PCBP3: variants seen among roughly 807,000 people sequenced by gnomAD.
PCBP3 encodes poly(rC) binding protein 3.
In PCBP3, 25 loss-of-function variants were observed where a neutral mutation model predicts 52.7. The ratio of observed to expected loss-of-function variants is 0.47; its 90% CI spans 0.35 to 0.66. PCBP3 has a LOEUF of 0.66. Ranked by LOEUF, PCBP3 falls within the 30% of genes least tolerant of loss-of-function variation. The pLI is 0.01. For missense variants in PCBP3, 391 were observed against 490.3 expected (o/e 0.80, Z 1.91); for synonymous variants, 162 against 183.0 (o/e 0.89, Z 0.93).
At chr21:45,814,624 A>ATGAGTGG (rs1246699301) in intron 4 of PCBP3, among the ~76,000 whole-genome samples, 2 of 103,280 alleles carry the variant, frequency 1.9e-5, no homozygotes, top group African/African-American at 3.8e-5. Flanking sequence ...GTGGTGAGTG[A>ATGAGTGG]TGAGTGGTGA....
In PCBP3 at chr21:45,889,925, G is replaced by A. The variant is rs192651743; in HGVS notation, c.11-6283G>A. On this transcript the variant is annotated intron_variant, in intron 5 of 17. Transcript: ENST00000681687. ...AGCTTTTAGAAGTCAGCGTAGCTCC[G>A]AGACGGAGGCCTGTTTCTGCTCTGT... Among the ~76,000 whole-genome samples, 518 of 152,378 alleles carry A rather than the reference G, an allele frequency of 3.4e-3. 2 individuals carry two copies. Among genetic ancestry groups the A allele is most frequent in the African/African-American group, 0.012 (479 of 41,588 alleles).
At chr21:45,658,029 A>C (rs771669693) in intron 1 of PCBP3, among the ~76,000 whole-genome samples, 7 of 152,214 alleles carry the variant, frequency 4.6e-5, no homozygotes, top group Non-Finnish European at 1.0e-4. Context: ...CAGTAAGTAT[A>C]GGTAGCTGTG....
chr21:45,803,838 C>A (rs1441647834), intron 4 of PCBP3, among the ~76,000 whole-genome samples: 1 of 152,200 alleles, frequency 6.6e-6, no homozygotes, highest in Middle Eastern at 3.2e-3. Flanking sequence ...CGGGAGGTGA[C>A]CCTGTGCCAG....
chr21:45,765,172 A>G (rs2089184363), intron 4 of PCBP3, among the ~76,000 whole-genome samples: 5 of 152,202 alleles, frequency 3.3e-5, no homozygotes, highest in Admixed American at 3.3e-4. Context: ...GGGGATAGAC[A>G]GAGAGGCATG....
chr21:45,732,509 T>C (rs902947810), intron 2 of PCBP3, among the ~76,000 whole-genome samples: 2 of 151,722 alleles, frequency 1.3e-5, no homozygotes, highest in Non-Finnish European at 2.9e-5. Context: ...TTACGATTTT[T>C]TTTTTTTTTA....
intron 4 of PCBP3, among the ~76,000 whole-genome samples, chr21:45,787,117 G>A (rs531046708): frequency 4.6e-5 from 7 of 152,294 alleles, no homozygotes; most frequent in East Asian, 1.9e-4. Flanking sequence ...AAGCCTGAAC[G>A]TTCTTGGAAA....
rs182325868 is a variant in PCBP3 at position 45,853,028 on chromosome 21, G to A, written c.10+2933G>A. ...CATGGCGTGTACACTTCCCACAGCT[G>A]AGACCAGCAGGAGCGGGCAGTGGAC... On this transcript the variant is annotated intron_variant, in intron 5 of 17. Coordinates refer to ENST00000681687, the MANE Select transcript of PCBP3 (RefSeq NM_001384156.1). The surrounding 1 kb of genome is among the most constrained non-coding windows in gnomAD (Gnocchi z 4.6). Among the ~76,000 whole-genome samples, 88 of 152,344 alleles carry A rather than the reference G, an allele frequency of 5.8e-4. No individual in the cohort carries two copies. The highest frequency in any genetic ancestry group is 2.1e-3 in the Admixed American group (32 of 15,308).
intron 4 of PCBP3, among the ~76,000 whole-genome samples, chr21:45,794,651 C>T (rs530273045): frequency 6.6e-5 from 10 of 152,268 alleles, no homozygotes; most frequent in East Asian, 5.8e-4. Context: ...ACCCAGAGGC[C>T]GGGTGCAATG....
chr21:45,927,526 C>T (rs1276570221), intron 13 of PCBP3, among the ~76,000 whole-genome samples: 6 of 150,598 alleles, frequency 4.0e-5, no homozygotes, highest in Non-Finnish European at 5.9e-5. Flanking sequence ...TGAGTCCAAA[C>T]GAGGTGCAGT....
At chr21:45,813,033 G>C (rs1209261451) in intron 4 of PCBP3, among the ~76,000 whole-genome samples, 1 of 152,100 alleles carries the variant, frequency 6.6e-6, no homozygotes, top group Non-Finnish European at 1.5e-5. Flanking sequence ...ATGGGAGTTT[G>C]TTGAGCATCT....
At chr21:45,698,392 G>A (rs76708569) in intron 2 of PCBP3, among the ~76,000 whole-genome samples, 1,740 of 152,330 alleles carry the variant, frequency 0.011, 48 homozygotes, top group African/African-American at 0.039. Flanking sequence ...GGGGGCTGTC[G>A]CCCACCAAGC....
intron 2 of PCBP3, among the ~76,000 whole-genome samples, chr21:45,677,134 A>G (rs1399146227): frequency 6.6e-6 from 1 of 152,246 alleles, no homozygotes; most frequent in African/African-American, 2.4e-5. Context: ...AATCCCAGAC[A>G]GGCCGAAAGC....
intron 9 of PCBP3, among the ~76,000 whole-genome samples, chr21:45,906,920 G>A (rs1475103782): frequency 6.6e-6 from 1 of 152,200 alleles, no homozygotes; most frequent in African/African-American, 2.4e-5. Flanking sequence ...AGGGTGTGGT[G>A]TACCTAAACT....
At chr21:45,649,211 A>G (rs1395807352) in intron 1 of PCBP3, among the ~76,000 whole-genome samples, 2 of 151,298 alleles carry the variant, frequency 1.3e-5, no homozygotes, top group Non-Finnish European at 2.9e-5. Context: ...GTGCAGGGAA[A>G]CTCCCCTTTT....
rs148996382 is a variant in PCBP3, at chr21:45,804,477, G to A, written c.-125-45484G>A. ...AAACCAAAAGCCATGGAAATGAGCC[G>A]GGGAGCTTACTGAAGATCCTAGTCT... is the stretch of plus-strand genomic sequence containing the variant. On this transcript the variant is annotated intron_variant, in intron 4 of 17. Transcript: ENST00000681687. Among the ~76,000 whole-genome samples the A allele has an allele frequency of 1.8e-4, 28 of 152,282 alleles. No individual in the cohort carries two copies. The East Asian group carries it at 2.7e-3, about 15-fold the overall frequency.
chr21:45,937,010 ACCAGCACCC>A (rs1200202166), intron 16 of PCBP3, among the ~76,000 whole-genome samples: 6 of 152,166 alleles, frequency 3.9e-5, no homozygotes, highest in African/African-American at 1.4e-4. Flanking sequence ...GGGGGCTTTC[ACCAGCACCC>A]CCAGATTTTG....
At chr21:45,855,584 A>G (rs1266823150) in intron 5 of PCBP3, among the ~76,000 whole-genome samples, 1 of 152,228 alleles carries the variant, frequency 6.6e-6, no homozygotes, top group Non-Finnish European at 1.5e-5. Flanking sequence ...GTTGCCTCCT[A>G]CATCTGAGAT....
chr21:45,837,832 G>A lies in PCBP3; in HGVS notation c.-125-12129G>A, dbSNP rs140040449. On this transcript the variant is annotated intron_variant, in intron 4 of 17. Transcript: ENST00000681687. The surrounding 1 kb of genome is among the most constrained non-coding windows in gnomAD (Gnocchi z 4.1). ...TGAGCTTAGGGGGTCAGCCTGATCC[G>A]CCACTGCTGGGTTCCCCACCAGCCT... Among the ~76,000 whole-genome samples, 9 of 152,340 alleles carry A rather than the reference G, an allele frequency of 5.9e-5. No individual in the cohort carries two copies. The highest frequency in any genetic ancestry group is 1.2e-4 in the African/African-American group (5 of 41,578).
At position 45,880,590 on chromosome 21, in the gene PCBP3, C is replaced by T. The variant is rs540612498; in HGVS notation, c.11-15618C>T. 3.0e-4 allele frequency among the ~76,000 whole-genome samples: 45 copies of T among 152,292 alleles called. No individual in the cohort carries two copies. In the South Asian group the frequency reaches 8.7e-3, roughly 29 times the overall value. On this transcript the variant is annotated intron_variant, in intron 5 of 17. Coordinates refer to ENST00000681687, the MANE Select transcript of PCBP3 (RefSeq NM_001384156.1). This position sits in a 1 kb window ranked among gnomAD's most constrained non-coding sequence, Gnocchi z 5.4. ...CTGTCTAATCCTTAAATACATACTG[C>T]GCCCCCTTGTGGGCCAAGAGTGGTG...
Sources: allele counts gnomAD v4.1 joint callset (sites outside exome capture counted in the v4.1 genomes callset), GRCh38; gene constraint gnomAD v4.1.1; non-coding constraint Gnocchi (gnomAD v3.1); transcripts MANE v1.5; gene names NCBI Gene and HGNC (gene_info 2026-07-23, HGNC 2026-07-21).